ITGA1: variants seen among roughly 807,000 people sequenced by gnomAD.
ITGA1 encodes the protein integrin subunit alpha 1.
Under a neutral mutation model 145.9 loss-of-function variants are expected in ITGA1, and 85 were observed. The observed-to-expected ratio is 0.58, with a 90% CI of 0.49 to 0.70. The LOEUF is 0.70. ITGA1 is among the 30% of genes least tolerant of loss of function. The pLI, the probability that ITGA1 is intolerant of heterozygous loss-of-function variation, is 0.00. For missense variants in ITGA1, 1,351 were observed against 1,418.7 expected (o/e 0.95, Z 0.77); for synonymous variants, 520 against 495.3 (o/e 1.05, Z -0.66).
At chr5:52,922,930 C>A in intron 18 of ITGA1, 43 bp downstream of exon 18, 2 of 1,115,150 alleles carry the variant, frequency 1.8e-6, no homozygotes, top group Non-Finnish European at 2.7e-6. Flanking sequence ...AACTTGTGAA[C>A]ATTTTAATGT....
chr5:52,830,486 T>A (rs889987109), intron 1 of ITGA1, among the ~76,000 whole-genome samples: 2 of 152,092 alleles, frequency 1.3e-5, no homozygotes, highest in Non-Finnish European at 2.9e-5. Flanking sequence ...ATTTGACAGG[T>A]TTTTTAAAAA....
chr5:52,845,010 A>G (rs1202008676), intron 1 of ITGA1, among the ~76,000 whole-genome samples: 1 of 152,180 alleles, frequency 6.6e-6, no homozygotes, highest in Non-Finnish European at 1.5e-5. Context: ...GCCTCAGAAA[A>G]CATAAAAGAG....
chr5:52,918,970 G>A, intron 16 of ITGA1, 72 bp downstream of exon 16: 5 of 1,254,860 alleles, frequency 4.0e-6, no homozygotes, highest in Non-Finnish European at 4.3e-6. Flanking sequence ...ATGAAGTCCA[G>A]TAGGATATTG....
chr5:52,807,978 G>C (rs1748621555), intron 1 of ITGA1, among the ~76,000 whole-genome samples: 1 of 152,138 alleles, frequency 6.6e-6, no homozygotes, highest in Non-Finnish European at 1.5e-5. Context: ...CTAGAAATTA[G>C]ATATCAGCAG....
intron 1 of ITGA1, chr5:52,800,559 C>T (rs1238248292): frequency 1.9e-6 from 3 of 1,613,476 alleles, no homozygotes; most frequent in Admixed American, 1.7e-5. Context: ...CCACGGGCAG[C>T]GTGGGCAGCA....
chr5:52,801,631 C>CT (rs1748488006), intron 1 of ITGA1: 1 of 1,614,108 alleles, frequency 6.2e-7, no homozygotes, highest in Non-Finnish European at 8.5e-7. Flanking sequence ...CAGCGATGAG[C>CT]TCTTCAGGCA....
intron 26 of ITGA1, among the ~76,000 whole-genome samples, chr5:52,943,901 CA>C: frequency 6.6e-6 from 1 of 152,136 alleles, no homozygotes; most frequent in Non-Finnish European, 1.5e-5. Flanking sequence ...TTGGAGGATC[CA>C]AAGTCCTCCC....
chr5:52,951,654 C>T (rs1402455267), intron 28 of ITGA1, among the ~76,000 whole-genome samples: 5 of 152,096 alleles, frequency 3.3e-5, no homozygotes, highest in African/African-American at 1.2e-4. Context: ...CTCCCTAACG[C>T]CCTAGCCATA....
chr5:52,913,007 A>G (rs773005883), intron 14 of ITGA1, among the ~76,000 whole-genome samples: 2 of 151,926 alleles, frequency 1.3e-5, no homozygotes, highest in Admixed American at 6.6e-5. Flanking sequence ...CGGCCTCCCA[A>G]AGTGTTGGGA....
At chr5:52,831,662 A>G (rs552164261) in intron 1 of ITGA1, among the ~76,000 whole-genome samples, 3 of 151,918 alleles carry the variant, frequency 2.0e-5, no homozygotes, top group African/African-American at 7.2e-5. Flanking sequence ...ATTTAATTAC[A>G]TCTTAAATAC....
At chr5:52,922,282 C>T (rs1750742327) in intron 17 of ITGA1, among the ~76,000 whole-genome samples, 1 of 144,730 alleles carries the variant, frequency 6.9e-6, no homozygotes, top group Non-Finnish European at 1.5e-5. Context: ...GCCTGGGTGA[C>T]AGAGAGAGAC....
At chr5:52,840,401 AGTTCT>A (rs1749235549) in intron 1 of ITGA1, among the ~76,000 whole-genome samples, 1 of 152,220 alleles carries the variant, frequency 6.6e-6, no homozygotes, top group South Asian at 2.1e-4. Flanking sequence ...TGGAGAACAG[AGTTCT>A]GTGCTCATGT....
chr5:52,938,912 C>CT (rs141556440), intron 24 of ITGA1, among the ~76,000 whole-genome samples: 22,627 of 151,400 alleles, frequency 0.15, 1,696 homozygotes, highest in South Asian at 0.16. Flanking sequence ...TTTTTGTTTC[C>CT]TTTTTTTTGA....
intron 14 of ITGA1, among the ~76,000 whole-genome samples, chr5:52,911,412 A>G (rs939083024): frequency 2.2e-5 from 3 of 134,194 alleles, no homozygotes; most frequent in African/African-American, 8.0e-5. Context: ...TATATAGTGT[A>G]TATACACTAT....
chr5:52,910,973 T>C (rs543400365), intron 14 of ITGA1, among the ~76,000 whole-genome samples: 5 of 130,730 alleles, frequency 3.8e-5, no homozygotes, highest in African/African-American at 1.5e-4. Context: ...ATATATACTA[T>C]ATATAGTATG....
rs79689193 is a variant in ITGA1, at chr5:52,879,462, C to T, written c.625-2411C>T. ...AACAAAACCATTTTGCTTTTATTTA[C>T]ACTGAACATTTATATACCCAAAGAC... On this transcript the variant is annotated intron_variant, in intron 6 of 28. Transcript: ENST00000282588. Among the ~76,000 whole-genome samples, 658 of 152,278 alleles carry T rather than the reference C, an allele frequency of 4.3e-3. 10 individuals carry two copies. In the East Asian group the frequency reaches 0.052, roughly 12 times the overall value.
chr5:52,939,817 TG>T (rs1751026349), intron 25 of ITGA1, 22 bp from the exon 26 acceptor site: 2 of 1,496,174 alleles, frequency 1.3e-6, no homozygotes, highest in African/African-American at 2.8e-5. Context: ...AATACTGATA[TG>T]TATCTCTGGA....
intron 28 of ITGA1, among the ~76,000 whole-genome samples, chr5:52,949,855 C>T (rs1751191879): frequency 6.6e-6 from 1 of 152,162 alleles, no homozygotes; most frequent in South Asian, 2.1e-4. Flanking sequence ...TTATCCCAGA[C>T]ATCTTTTTTA....
At chr5:52,920,664 C>G (rs1750717225) in intron 17 of ITGA1, among the ~76,000 whole-genome samples, 196 bp downstream of exon 17, 5 of 152,188 alleles carry the variant, frequency 3.3e-5, no homozygotes, top group Admixed American at 3.3e-4. Context: ...GTAAAACTAT[C>G]TCTAGTCTTC....
Sources: allele counts gnomAD v4.1 joint callset (sites outside exome capture counted in the v4.1 genomes callset), GRCh38; gene constraint gnomAD v4.1.1; transcripts MANE v1.5; gene names NCBI Gene and HGNC (gene_info 2026-07-23, HGNC 2026-07-21).